The following LRP1B variants were observed in gnomAD, a reference collection of about 807,000 sequenced individuals.
LRP1B encodes low-density lipoprotein receptor-related protein 1B.
LRP1B carries 217 observed loss-of-function variants against 556.6 expected under a neutral mutation model. The observed-to-expected ratio is 0.39, with a 90% CI of 0.35 to 0.44. LRP1B has a LOEUF of 0.44. Ranked by LOEUF, LRP1B falls within the 20% of genes least tolerant of loss-of-function variation. LRP1B has a pLI of 1.00. For missense variants in LRP1B, 5,053 were observed against 5,620.8 expected (o/e 0.90, Z 3.23); for synonymous variants, 2,047 against 1,865.8 (o/e 1.10, Z -2.50).
intron 41 of LRP1B, among the ~76,000 whole-genome samples, chr2:140,695,756 C>T (rs944328876): frequency 3.9e-5 from 6 of 152,126 alleles, no homozygotes; most frequent in African/African-American, 1.4e-4. Flanking sequence ...CTGCATTTTC[C>T]TCTTTTTATA....
At chr2:141,877,174 CATGTT>C (rs1181686710) in intron 1 of LRP1B, among the ~76,000 whole-genome samples, 13 of 151,934 alleles carry the variant, frequency 8.6e-5, no homozygotes, top group African/African-American at 3.1e-4. Flanking sequence ...TTGTATTTAA[CATGTT>C]ATAGAGTGTT....
At chr2:140,802,098 A>C (rs530698307) in intron 32 of LRP1B, among the ~76,000 whole-genome samples, 15 of 152,138 alleles carry the variant, frequency 9.9e-5, no homozygotes, top group Non-Finnish European at 1.8e-4. Context: ...AAAAATAATC[A>C]CGAGAGGAGC....
At chr2:141,637,055 G>T (rs1689129891) in intron 2 of LRP1B, among the ~76,000 whole-genome samples, 1 of 152,090 alleles carries the variant, frequency 6.6e-6, no homozygotes, top group Admixed American at 6.6e-5. Flanking sequence ...TTTTTCTCGA[G>T]AATATATTCA....
At chr2:141,891,740 CCT>C (rs1178319932) in intron 1 of LRP1B, among the ~76,000 whole-genome samples, 1 of 152,042 alleles carries the variant, frequency 6.6e-6, no homozygotes, top group Non-Finnish European at 1.5e-5. Flanking sequence ...AACATTTCTC[CCT>C]CTGTCTGTAC....
At chr2:141,315,252 A>ATTTT (rs34839276) in intron 3 of LRP1B, among the ~76,000 whole-genome samples, 1,573 of 77,162 alleles carry the variant, frequency 0.02, 88 homozygotes, top group East Asian at 0.026. Context: ...AATGATTGTA[A>ATTTT]TTTTTTTTTT....
intron 2 of LRP1B, among the ~76,000 whole-genome samples, chr2:141,730,423 G>GA (rs538743560): frequency 2.0e-5 from 3 of 151,814 alleles, no homozygotes; most frequent in Non-Finnish European, 4.4e-5. Context: ...GGAGAAAAAG[G>GA]AAAAAAAGAG....
intron 35 of LRP1B, among the ~76,000 whole-genome samples, chr2:140,723,852 A>C (rs1489378190): frequency 6.6e-6 from 1 of 152,230 alleles, no homozygotes; most frequent in South Asian, 2.1e-4. Flanking sequence ...ACCACAATTT[A>C]TTAAAGATGA....
chr2:141,044,517 C>T (rs1226385798), intron 11 of LRP1B, among the ~76,000 whole-genome samples: 13 of 149,526 alleles, frequency 8.7e-5, no homozygotes, highest in Admixed American at 1.3e-4. Context: ...TCACAACCTA[C>T]TCATCTGACA....
chr2:142,015,788 T>C (rs1703103012), intron 1 of LRP1B, among the ~76,000 whole-genome samples: 2 of 151,804 alleles, frequency 1.3e-5, no homozygotes, highest in Non-Finnish European at 2.9e-5. Context: ...GGTCAGGCGA[T>C]CGAGACCATC....
intron 1 of LRP1B, among the ~76,000 whole-genome samples, chr2:141,897,722 C>T (rs1271065694): frequency 6.6e-6 from 1 of 152,056 alleles, no homozygotes; most frequent in Non-Finnish European, 1.5e-5. Context: ...AGAAACTAAC[C>T]ATCTGCTCAA....
At chr2:142,086,640 C>CAAAAAAA (rs55654885) in intron 1 of LRP1B, among the ~76,000 whole-genome samples, 10 of 147,754 alleles carry the variant, frequency 6.8e-5, no homozygotes, top group Non-Finnish European at 1.2e-4. Flanking sequence ...AACAAACAAA[C>CAAAAAAA]AAAAAAAAAA....
chr2:140,460,505 C>G (rs1687273936), intron 60 of LRP1B, among the ~76,000 whole-genome samples: 3 of 152,070 alleles, frequency 2.0e-5, no homozygotes, highest in Admixed American at 6.6e-5. Flanking sequence ...ATGATGATGA[C>G]TATCATTTTT....
chr2:140,818,898 C>T (rs545131717), intron 31 of LRP1B, among the ~76,000 whole-genome samples: 1 of 144,752 alleles, frequency 6.9e-6, no homozygotes, highest in Non-Finnish European at 1.5e-5. Flanking sequence ...AATCATGCCA[C>T]TGCACTCCAG....
At chr2:140,327,785 T>C in intron 79 of LRP1B, among the ~76,000 whole-genome samples, 1 of 152,178 alleles carries the variant, frequency 6.6e-6, no homozygotes, top group East Asian at 1.9e-4. Context: ...GTCTCAAAAG[T>C]GTCACATATT....
intron 1 of LRP1B, among the ~76,000 whole-genome samples, chr2:141,931,503 A>T (rs751429855): frequency 2.0e-5 from 3 of 152,194 alleles, no homozygotes; most frequent in East Asian, 3.9e-4. Context: ...TAAGATTAGC[A>T]TCATCAATTC....
At chr2:141,910,365 T>C (rs979941789) in intron 1 of LRP1B, among the ~76,000 whole-genome samples, 1 of 152,124 alleles carries the variant, frequency 6.6e-6, no homozygotes, top group Non-Finnish European at 1.5e-5. Flanking sequence ...ACACAGTGTT[T>C]ATGTCAAATC....
intron 1 of LRP1B, among the ~76,000 whole-genome samples, chr2:142,047,678 T>C (rs1294903778): frequency 6.6e-6 from 1 of 151,974 alleles, no homozygotes; most frequent in African/African-American, 2.4e-5. Flanking sequence ...GGTGTGGCCA[T>C]GTGAATGACT....
At chr2:140,527,115 C>T (rs1690471395) in intron 47 of LRP1B, among the ~76,000 whole-genome samples, 1 of 151,868 alleles carries the variant, frequency 6.6e-6, no homozygotes, top group African/African-American at 2.4e-5. Context: ...AAATTAGATT[C>T]AATATGCTAT....
chr2:141,161,711 A>C (rs13025185), intron 7 of LRP1B, among the ~76,000 whole-genome samples: 64,069 of 151,962 alleles, frequency 0.42, 15,708 homozygotes, highest in Middle Eastern at 0.58. Flanking sequence ...AATAAAGATA[A>C]TGCTTCCCTT....
Sources: allele counts gnomAD v4.1 joint callset (sites outside exome capture counted in the v4.1 genomes callset), GRCh38; gene constraint gnomAD v4.1.1; transcripts MANE v1.5; gene names NCBI Gene and HGNC (gene_info 2026-07-23, HGNC 2026-07-21).